The following NUFIP1 variants were observed in gnomAD, a reference collection of about 807,000 sequenced individuals.
NUFIP1 encodes the protein FMR1-interacting protein NUFIP1.
NUFIP1 carries 38 observed loss-of-function variants against 56.2 expected under a neutral mutation model. The observed-to-expected ratio is 0.68, with a 90% CI of 0.52 to 0.89. The LOEUF is 0.89. Among genes scored for constraint, NUFIP1 ranks in the 40% least tolerant of loss-of-function variants. The pLI, the probability that NUFIP1 is intolerant of heterozygous loss-of-function variation, is 0.00. For synonymous variants in NUFIP1, 215 were observed against 212.4 expected, an observed-to-expected ratio of 1.01 and a Z score of -0.10; for missense variants, 567 against 605.8, an observed-to-expected ratio of 0.94 and a Z score of 0.67.
At position 44,989,170 on chromosome 13, in the gene NUFIP1, C is replaced by A. The variant is rs1872557550; in HGVS notation, c.267G>T (p.Ala89=). The change falls in exon 1 of 10, where the codon GCG becomes GCT. Residue 89 remains alanine (A), a synonymous_variant. Coordinates refer to ENST00000379161, the MANE Select transcript of NUFIP1 (RefSeq NM_012345.3). ...GAGACTGGGCGTCGAAGGGGGGTTG[C>A]GCCCCGGGAAGAATCTGGGCGTCGA... ...PPFDAQILPG[A]QPPFDAQSPL... is the part of the protein sequence containing the mutation. 6.2e-7 allele frequency: 1 copy of A among 1,612,738 alleles called. No homozygotes were observed. Among genetic ancestry groups the A allele is most frequent in the African/African-American group, 1.3e-5 (1 of 74,918 alleles).
chr13:44,977,924 CTGTT>C (rs1176882002), intron 5 of NUFIP1, among the ~76,000 whole-genome samples: 1 of 152,114 alleles, frequency 6.6e-6, no homozygotes, highest in Non-Finnish European at 1.5e-5. Flanking sequence ...GGGTGCACGC[CTGTT>C]ATCCCAGCTA....
rs150186789 is a variant in NUFIP1 at position 44,962,443 on chromosome 13, G to C, written c.828-2869C>G. On this transcript the variant is annotated intron_variant, in intron 6 of 9. Coordinates refer to ENST00000379161, the MANE Select transcript of NUFIP1 (RefSeq NM_012345.3). ...CAACACCACACTATCTTCATTACTC[G>C]AGCTTTCTTAGTTGCTGTTCTAGAT... Among the ~76,000 whole-genome samples the C allele has an allele frequency of 3.9e-4, 60 of 151,950 alleles. 3 individuals are homozygous for C.
chr13:44,958,012 A>C (rs1184933075), intron 7 of NUFIP1, among the ~76,000 whole-genome samples: 1 of 152,216 alleles, frequency 6.6e-6, no homozygotes, highest in Non-Finnish European at 1.5e-5. Flanking sequence ...ATTTTTTGAA[A>C]GAAAACAAAC....
intron 5 of NUFIP1, among the ~76,000 whole-genome samples, chr13:44,975,595 A>C (rs1410706060): frequency 6.6e-6 from 1 of 151,908 alleles, no homozygotes; most frequent in African/African-American, 2.4e-5. Context: ...TCTTACCTAT[A>C]CTCACAGTTC....
intron 3 of NUFIP1, 149 bp downstream of exon 3, chr13:44,980,573 G>T: frequency 1.6e-6 from 1 of 624,024 alleles, no homozygotes; most frequent in Non-Finnish European, 2.7e-6. Flanking sequence ...CAAACCCCAG[G>T]GTCACTGCCC....
chr13:44,946,844 TC>T (rs1336025958), intron 8 of NUFIP1, among the ~76,000 whole-genome samples: 4 of 152,150 alleles, frequency 2.6e-5, no homozygotes, highest in East Asian at 3.9e-4. Flanking sequence ...TATTTAAAAC[TC>T]CCTATGTGTC....
rs567446064 is a variant in NUFIP1 at position 44,953,801 on chromosome 13, G to A, written c.1022-3963C>T. 3.9e-5 allele frequency among the ~76,000 whole-genome samples: 6 copies of A among 152,182 alleles called. No individual in the cohort carries two copies. The East Asian group carries it at 9.6e-4, about 24-fold the overall frequency. On this transcript the variant is annotated intron_variant, in intron 7 of 9. Transcript: ENST00000379161. ...TTTGGAAACCACAATTAGAGTGCTA[G>A]GTATACTTGTTCCTAGGAGTGTCAA...
At chr13:44,941,531 T>A (rs1200465056) in intron 9 of NUFIP1, among the ~76,000 whole-genome samples, 2 of 152,244 alleles carry the variant, frequency 1.3e-5, no homozygotes, top group Non-Finnish European at 2.9e-5. Flanking sequence ...TTATTTATTT[T>A]GAGACGGAGT....
intron 7 of NUFIP1, among the ~76,000 whole-genome samples, chr13:44,953,473 C>T (rs1871139766): frequency 6.6e-6 from 1 of 152,048 alleles, no homozygotes; most frequent in African/African-American, 2.4e-5. Flanking sequence ...AGACCTGTCC[C>T]TCCTCCCCCA....
At chr13:44,965,992 A>G in intron 5 of NUFIP1, 56 bp from the exon 6 acceptor site, 1 of 987,092 alleles carries the variant, frequency 1.0e-6, no homozygotes, top group South Asian at 2.0e-5. Flanking sequence ...ATTTTAAATA[A>G]GCAATCAAGC....
At chr13:44,943,419 G>A in intron 9 of NUFIP1, 23 bp downstream of exon 9, 1 of 1,588,072 alleles carries the variant, frequency 6.3e-7, no homozygotes, top group Admixed American at 1.7e-5. Context: ...ACAAAGATTA[G>A]AACCTAAAGA....
chr13:44,958,580 A>AT (rs1871321472), intron 7 of NUFIP1, among the ~76,000 whole-genome samples: 1 of 152,172 alleles, frequency 6.6e-6, no homozygotes, highest in South Asian at 2.1e-4. Context: ...TTGCCATGTG[A>AT]TTATCATAGA....
At chr13:44,952,432 T>C (rs1432826641) in intron 7 of NUFIP1, among the ~76,000 whole-genome samples, 1 of 152,194 alleles carries the variant, frequency 6.6e-6, no homozygotes, top group African/African-American at 2.4e-5. Context: ...GCTCCCACAT[T>C]TTCTATATTA....
Position 44,941,324 on chromosome 13 carries a change from TA to T in NUFIP1, c.1372-3del. 6.4e-7 allele frequency: 1 copy of T among 1,567,788 alleles called. No homozygotes were observed. Among genetic ancestry groups the T allele is most frequent in the Non-Finnish European group, 8.7e-7 (1 of 1,149,714 alleles). ...ATGTCGAATGTCCGGAGCTAGAAGC[TA>T]AAACACAATTTAAAAAAAGATGAGG... On this transcript the variant is annotated splice_polypyrimidine_tract_variant and splice_region_variant and intron_variant, in intron 9 of 9. Transcript: ENST00000379161.
At chr13:44,952,080 A>G (rs776027869) in intron 7 of NUFIP1, among the ~76,000 whole-genome samples, 17 of 152,144 alleles carry the variant, frequency 1.1e-4, no homozygotes, top group Non-Finnish European at 2.4e-4. Context: ...AAAAGCACAT[A>G]TCCCCTTTTC....
chr13:44,971,566 C>CACTGCTA (rs542494235), intron 5 of NUFIP1, among the ~76,000 whole-genome samples: 36 of 152,304 alleles, frequency 2.4e-4, no homozygotes, highest in Admixed American at 9.1e-4. Flanking sequence ...CTAAAGCAAA[C>CACTGCTA]ACTGACTATT....
intron 7 of NUFIP1, among the ~76,000 whole-genome samples, chr13:44,953,692 G>A (rs1038483605): frequency 6.6e-6 from 1 of 152,002 alleles, no homozygotes; most frequent in Admixed American, 6.6e-5. Flanking sequence ...AGATGCTCTA[G>A]GTTCAGCTTA....
At chr13:44,980,670 A>C in intron 3 of NUFIP1, 52 bp downstream of exon 3, 2 of 1,169,186 alleles carry the variant, frequency 1.7e-6, no homozygotes, top group Non-Finnish European at 2.5e-6. Context: ...AAATATACAG[A>C]TAGAAGAAGC....
chr13:44,983,838 C>T (rs562813071), intron 1 of NUFIP1, among the ~76,000 whole-genome samples: 3 of 152,248 alleles, frequency 2.0e-5, no homozygotes, highest in African/African-American at 7.2e-5. Context: ...CCTTCTCTCA[C>T]TCTCTCTCAC....
Sources: allele counts gnomAD v4.1 joint callset (sites outside exome capture counted in the v4.1 genomes callset), GRCh38; gene constraint gnomAD v4.1.1; transcripts MANE v1.5; gene names NCBI Gene and HGNC (gene_info 2026-07-23, HGNC 2026-07-21).